Variants in CHD2 observed in about 807,000 individuals in gnomAD.
The protein encoded by CHD2 is chromodomain helicase DNA binding protein 2, also known as ATP-dependent chromatin remodeler CHD2.
In CHD2, 28 loss-of-function variants were observed where a neutral mutation model predicts 243.9. The observed-to-expected ratio is 0.11, with a 90% CI of 0.09 to 0.16. The LOEUF is 0.16. CHD2 is among the 10% of genes least tolerant of loss of function. CHD2 has a pLI of 1.00. For missense variants in CHD2, 1,386 were observed against 2,209.8 expected (o/e 0.63, Z 7.47); for synonymous variants, 775 against 779.0 (o/e 0.99, Z 0.09).
intron 37 of CHD2, among the ~76,000 whole-genome samples, chr15:93,017,406 A>G (rs1018856978): frequency 7.5e-4 from 112 of 149,380 alleles, no homozygotes; most frequent in Non-Finnish European, 1.3e-3. Context: ...GCTCACTGCA[A>G]CCTCCACCTC....
chr15:92,954,789 T>TA (rs1317613290), intron 14 of CHD2, among the ~76,000 whole-genome samples: 6 of 152,200 alleles, frequency 3.9e-5, no homozygotes, highest in African/African-American at 7.2e-5. Flanking sequence ...TGCAGGCACT[T>TA]ACTGTCTTGT....
rs749804677 is a variant in CHD2, at chr15:92,929,035, T to C, written c.387T>C (p.Ser129=). The C allele has an allele frequency of 1.4e-5, 22 of 1,611,572 alleles. No individual in the cohort carries two copies. The South Asian group carries it at 2.3e-4, about 17-fold the overall frequency. ...PSRFNIKEEA[S]SGSESGSPKR... ...TCCCCCCTCACACACTGAAGGCAAG[T>C]AGCGGGTCTGAGAGTGGGAGCCCAA... The change falls in exon 5 of 39, where the codon AGT becomes AGC. Residue 129 remains serine (S), a synonymous_variant. Coordinates refer to ENST00000394196, the MANE Select transcript of CHD2 (RefSeq NM_001271.4).
chr15:93,011,016 C>CT (rs959527559), intron 35 of CHD2, among the ~76,000 whole-genome samples: 4 of 151,688 alleles, frequency 2.6e-5, no homozygotes, highest in Non-Finnish European at 4.4e-5. Context: ...CAAAATGGTA[C>CT]TTTTTTTTCC....
rs770256952 is a variant in CHD2, at chr15:93,009,321, G to A, written c.4590G>A (p.Arg1530=). The change falls in exon 35 of 39, where the codon AGG becomes AGA. Residue 1530 remains arginine, a splice_region_variant and synonymous_variant. Coordinates refer to ENST00000394196, the MANE Select transcript of CHD2 (RefSeq NM_001271.4). ...ATCAGGAGCACATCAAACTCTGGAGGAGGTAACCACTTTGGCCTCGTCTGC... is the reference window on the plus strand; with the variant it reads ...ATCAGGAGCACATCAAACTCTGGAGAAGGTAACCACTTTGGCCTCGTCTGC... ...YSDQEHIKLW[R]RNLWIFVSKF... is the part of the protein sequence containing the mutation. The A allele has an allele frequency of 6.2e-7, 1 of 1,613,714 alleles. No homozygotes were observed. The highest frequency in any genetic ancestry group is 1.1e-5 in the South Asian group (1 of 91,062).
At position 92,918,529 on chromosome 15, in the gene CHD2, A is replaced by T. The variant is rs74570472; in HGVS notation, c.63-5792A>T. ...TTAATTGCCCTGTAACTAGTAAGCC[A>T]CTGGTAGTCAGCTAATTTTATTACT... On this transcript the variant is annotated intron_variant, in intron 2 of 38. Coordinates refer to ENST00000394196, the MANE Select transcript of CHD2 (RefSeq NM_001271.4). Among the ~76,000 whole-genome samples, 1,474 of 152,298 alleles carry T rather than the reference A, an allele frequency of 9.7e-3. 26 individuals are homozygous for T. Among genetic ancestry groups the T allele is most frequent in the African/African-American group, 0.033 (1,367 of 41,562 alleles).
intron 19 of CHD2, among the ~76,000 whole-genome samples, chr15:92,974,567 A>G (rs1596422782): frequency 6.6e-6 from 1 of 152,072 alleles, no homozygotes; most frequent in South Asian, 2.1e-4. Context: ...ACAGAAGTAA[A>G]CCCAGCCTCC....
intron 5 of CHD2, among the ~76,000 whole-genome samples, chr15:92,933,606 T>C (rs547044415): frequency 6.6e-6 from 1 of 152,312 alleles, no homozygotes; most frequent in Non-Finnish European, 1.5e-5. Context: ...GGTGGTTTTG[T>C]TTTGTTTTTG....
Position 93,009,249 on chromosome 15 carries a change from G to A in CHD2, c.4518G>A (p.Leu1506=), listed in dbSNP as rs557766333. The A allele has an allele frequency of 4.3e-5, 69 of 1,614,226 alleles. No homozygotes were observed. In the South Asian group the frequency reaches 6.0e-4, roughly 14 times the overall value. ...QEQLEHTRNC[L]LKIGDRIAEC... is the part of the protein sequence containing the mutation. ...AGCTGGAACACACCCGGAACTGCCT[G>A]CTGAAAATCGGAGACCGGATAGCCG... Residue 1506 remains leucine, a synonymous_variant, in exon 35 of 39, where the codon CTG becomes CTA. Coordinates refer to ENST00000394196, the MANE Select transcript of CHD2 (RefSeq NM_001271.4).
In CHD2 at chr15:92,998,354, A is replaced by G; in HGVS notation, c.3886-145A>G. On this transcript the variant is annotated intron_variant, in intron 30 of 38. Transcript: ENST00000394196. This position sits in a 1 kb window ranked among gnomAD's most constrained non-coding sequence, Gnocchi z 5.1. ...TTTTCAGTGACTGGGAGCCATGGAC[A>G]TGAGATAGGATCTGAGGCTTTATCT... 1.4e-6 allele frequency: 2 copies of G among 1,395,002 alleles called. No individual in the cohort carries two copies. The highest frequency in any genetic ancestry group is 1.4e-5 in the African/African-American group (1 of 69,416). 86.4% of individuals were successfully genotyped at this position (1,395,002 alleles called of 1,614,324 possible).
intron 10 of CHD2, 99 bp from the exon 11 acceptor site, chr15:92,945,722 T>A: frequency 1.5e-6 from 1 of 677,714 alleles, no homozygotes; most frequent in South Asian, 2.6e-5. Flanking sequence ...TTTTAAGGTG[T>A]GAGGTAGTAG....
Position 92,998,339 on chromosome 15 carries a change from C to G in CHD2, c.3886-160C>G, listed in dbSNP as rs2054210511. The G allele has an allele frequency of 3.6e-6, 5 of 1,369,884 alleles. No individual in the cohort carries two copies. The allele number at this position is 1,369,884 out of a possible 1,614,324, so 84.9% of individuals were successfully genotyped here. ...ACGGCTCGTGAGGGATTTTCAGTGA[C>G]TGGGAGCCATGGACATGAGATAGGA... On this transcript the variant is annotated intron_variant, in intron 30 of 38. Transcript: ENST00000394196. The surrounding 1 kb of genome is among the most constrained non-coding windows in gnomAD (Gnocchi z 5.1).
chr15:92,972,535 C>G, intron 19 of CHD2, 118 bp downstream of exon 19: 1 of 953,148 alleles, frequency 1.0e-6, no homozygotes, highest in Non-Finnish European at 1.5e-6. Context: ...TAAGAGTTTT[C>G]TTGTTTCAAA....
chr15:93,019,907 T>C (rs918673745), intron 37 of CHD2, 105 bp from the exon 38 acceptor site: 7 of 1,381,934 alleles, frequency 5.1e-6, no homozygotes, highest in Non-Finnish European at 6.8e-6. Context: ...CACTCCAGCC[T>C]GGGCAAACAG....
intron 3 of CHD2, among the ~76,000 whole-genome samples, chr15:92,924,820 A>G (rs1279108775): frequency 6.6e-6 from 1 of 152,104 alleles, no homozygotes; most frequent in African/African-American, 2.4e-5. Flanking sequence ...TATTTTTGCA[A>G]CAGAGTCTTG....
At chr15:92,963,228 A>G (rs892195370) in intron 16 of CHD2, among the ~76,000 whole-genome samples, 3 of 152,156 alleles carry the variant, frequency 2.0e-5, no homozygotes, top group Admixed American at 1.3e-4. Flanking sequence ...TTTGTTTTCC[A>G]TATGTCTTAC....
Position 92,924,302 on chromosome 15 carries a change from C to T in CHD2, c.63-19C>T, listed in dbSNP as rs753257921. The T allele has an allele frequency of 1.2e-6, 2 of 1,601,416 alleles. No homozygotes were observed. The highest frequency in any genetic ancestry group is 1.7e-6 in the Non-Finnish European group (2 of 1,169,978). ...TCAGTTCTTAAATATTTTTAAATCTCTCTCTCTCTCAAAATAAGTCACTCA... is the reference window on the plus strand; with the variant it reads ...TCAGTTCTTAAATATTTTTAAATCTTTCTCTCTCTCAAAATAAGTCACTCA... On this transcript the variant is annotated intron_variant, in intron 2 of 38. Coordinates refer to ENST00000394196, the MANE Select transcript of CHD2 (RefSeq NM_001271.4).
At chr15:92,922,376 C>G (rs1345778274) in intron 2 of CHD2, among the ~76,000 whole-genome samples, 1 of 152,112 alleles carries the variant, frequency 6.6e-6, no homozygotes, top group Non-Finnish European at 1.5e-5. Context: ...GTTAGGTGAT[C>G]AGGAAGTTAC....
chr15:92,903,176 C>G (rs946282189), intron 2 of CHD2, among the ~76,000 whole-genome samples: 1 of 152,172 alleles, frequency 6.6e-6, no homozygotes, highest in Non-Finnish European at 1.5e-5. Flanking sequence ...GACATCACTT[C>G]CTTTTAAAAT....
At chr15:92,924,134 T>C in intron 2 of CHD2, 187 bp from the exon 3 acceptor site, 1 of 513,716 alleles carries the variant, frequency 1.9e-6, no homozygotes, top group Non-Finnish European at 3.5e-6. Flanking sequence ...GGGTAGCTAT[T>C]GGGGATTTTG....
Sources: allele counts gnomAD v4.1 joint callset (sites outside exome capture counted in the v4.1 genomes callset), GRCh38; gene constraint gnomAD v4.1.1; non-coding constraint Gnocchi (gnomAD v3.1); transcripts MANE v1.5; gene names NCBI Gene and HGNC (gene_info 2026-07-23, HGNC 2026-07-21).